The following DNAH14 variants were observed in gnomAD, a reference collection of about 807,000 sequenced individuals.
DNAH14 encodes axonemal beta dynein heavy chain 14.
A neutral mutation model predicts 520.9 loss-of-function variants in DNAH14; 478 were observed. The observed-to-expected ratio is 0.92, with a 90% CI of 0.85 to 0.99. DNAH14 has a LOEUF of 0.99. DNAH14 is among the 50% of genes least tolerant of loss of function. The pLI, the probability that DNAH14 is intolerant of heterozygous loss-of-function variation, is 0.00. For missense variants in DNAH14, 4,831 were observed against 5,234.5 expected (o/e 0.92, Z 2.38); for synonymous variants, 1,581 against 1,757.2 (o/e 0.90, Z 2.51).
intron 17 of DNAH14, among the ~76,000 whole-genome samples, chr1:225,062,529 T>C (rs572280019): frequency 7.3e-6 from 1 of 137,332 alleles, no homozygotes; most frequent in African/African-American, 2.5e-5. Context: ...GGCAGAGTCC[T>C]ATAAAGAAGG....
intron 61 of DNAH14, among the ~76,000 whole-genome samples, chr1:225,321,964 G>A (rs147297110): frequency 1.8e-4 from 28 of 151,860 alleles, no homozygotes; most frequent in African/African-American, 6.3e-4. Context: ...GACTCCCAAC[G>A]CATACACATG....
intron 8 of DNAH14, among the ~76,000 whole-genome samples, chr1:224,998,214 T>G (rs990301817): frequency 2.0e-5 from 3 of 152,160 alleles, no homozygotes; most frequent in Non-Finnish European, 4.4e-5. Context: ...TTTATTGATG[T>G]TTTTAAAGAA....
intron 25 of DNAH14, 37 bp from the exon 26 acceptor site, chr1:225,119,183 T>C (rs1202140496): frequency 1.4e-6 from 2 of 1,419,516 alleles, no homozygotes; most frequent in East Asian, 5.2e-5. Flanking sequence ...AATTAAAAAA[T>C]AATTCTTCAT....
intron 1 of DNAH14, among the ~76,000 whole-genome samples, chr1:224,930,115 C>G (rs1405758993): frequency 6.6e-6 from 1 of 152,230 alleles, no homozygotes; most frequent in African/African-American, 2.4e-5. Flanking sequence ...AGGCAGGCCG[C>G]GTTCCCTTCT....
chr1:224,975,524 G>A (rs1486499615), intron 8 of DNAH14, among the ~76,000 whole-genome samples: 1 of 151,868 alleles, frequency 6.6e-6, no homozygotes, highest in Non-Finnish European at 1.5e-5. Flanking sequence ...AGAGGTGTTT[G>A]TAGTATTCTC....
chr1:225,307,697 C>G, intron 59 of DNAH14, 128 bp downstream of exon 59: 1 of 623,608 alleles, frequency 1.6e-6, no homozygotes, highest in Non-Finnish European at 2.5e-6. Flanking sequence ...TAGTTGTGTA[C>G]ACATGAAAAA....
chr1:225,035,189 A>C (rs527643413), intron 11 of DNAH14, among the ~76,000 whole-genome samples: 1 of 152,082 alleles, frequency 6.6e-6, no homozygotes, highest in Non-Finnish European at 1.5e-5. Flanking sequence ...AGGGTTTCCA[A>C]TTTGTGGCAT....
intron 17 of DNAH14, among the ~76,000 whole-genome samples, chr1:225,065,306 CTAAT>C (rs1326743448): frequency 6.6e-6 from 1 of 151,712 alleles, no homozygotes; most frequent in African/African-American, 2.4e-5. Context: ...AATAATTAAG[CTAAT>C]TAACATATCC....
At chr1:225,273,347 C>T (rs1219614844) in intron 52 of DNAH14, among the ~76,000 whole-genome samples, 3 of 152,170 alleles carry the variant, frequency 2.0e-5, no homozygotes, top group Non-Finnish European at 4.4e-5. Flanking sequence ...CGGAGAATGG[C>T]GTGAACCCGG....
chr1:225,313,879 A>G (rs1206644955), intron 60 of DNAH14, among the ~76,000 whole-genome samples: 3 of 152,204 alleles, frequency 2.0e-5, no homozygotes, highest in Non-Finnish European at 4.4e-5. Context: ...ATTTTAGAAT[A>G]AGTGCTATAT....
chr1:225,086,986 AACACC>A (rs2073880578), intron 21 of DNAH14, among the ~76,000 whole-genome samples: 1 of 115,746 alleles, frequency 8.6e-6, no homozygotes, highest in South Asian at 2.9e-4. Context: ...AGCTGAAAAG[AACACC>A]ACACACACAC....
intron 17 of DNAH14, among the ~76,000 whole-genome samples, chr1:225,070,547 T>G (rs2071435385): frequency 6.6e-6 from 1 of 152,198 alleles, no homozygotes; most frequent in Non-Finnish European, 1.5e-5. Context: ...GATTGTGGAT[T>G]TCATTTTGCT....
intron 8 of DNAH14, among the ~76,000 whole-genome samples, chr1:224,989,466 TA>T (rs113523109): frequency 6.6e-6 from 1 of 152,104 alleles, no homozygotes; most frequent in African/African-American, 2.4e-5. Context: ...AGGAGTTTTT[TA>T]ATATATTTTT....
At chr1:225,001,267 G>T (rs1039138913) in intron 8 of DNAH14, among the ~76,000 whole-genome samples, 2 of 152,002 alleles carry the variant, frequency 1.3e-5, no homozygotes, top group African/African-American at 2.4e-5. Flanking sequence ...GTTTTGTTAT[G>T]TTTGCTTTAA....
intron 42 of DNAH14, among the ~76,000 whole-genome samples, chr1:225,234,739 TCTC>T (rs1252752445): frequency 2.6e-5 from 4 of 152,178 alleles, no homozygotes; most frequent in Non-Finnish European, 4.4e-5. Context: ...GGTTTGTAGT[TCTC>T]CTTGAATAGG....
chr1:225,368,148 C>A, intron 77 of DNAH14, 116 bp downstream of exon 77: 1 of 936,480 alleles, frequency 1.1e-6, no homozygotes. Context: ...AAAATGAACT[C>A]TATAACTAGG....
At chr1:225,264,366 TG>T (rs1373867694) in intron 47 of DNAH14, 105 bp downstream of exon 47, 1 of 979,444 alleles carries the variant, frequency 1.0e-6, no homozygotes, top group Non-Finnish European at 1.5e-6. Flanking sequence ...TAATTTCAAT[TG>T]GTAATTTAAT....
At chr1:225,131,761 A>G (rs73133591) in intron 27 of DNAH14, among the ~76,000 whole-genome samples, 2 of 152,118 alleles carry the variant, frequency 1.3e-5, no homozygotes, top group African/African-American at 4.8e-5. Flanking sequence ...GAGAGAGGGA[A>G]AACTAGGAAG....
chr1:225,308,605 C>A (rs1435952065), intron 60 of DNAH14, among the ~76,000 whole-genome samples, 195 bp downstream of exon 60: 1 of 152,140 alleles, frequency 6.6e-6, no homozygotes, highest in Admixed American at 6.5e-5. Flanking sequence ...AGTATGAAGT[C>A]CAAACATGCA....
Sources: gnomAD v4.1 joint callset for allele counts (sites outside exome capture counted in the v4.1 genomes callset) on GRCh38, gnomAD v4.1.1 for gene constraint, MANE v1.5 for transcripts, NCBI Gene and HGNC (gene_info 2026-07-23, HGNC 2026-07-21) for gene names.